Variants in UBA2 observed in about 807,000 individuals in gnomAD.
The protein encoded by UBA2 is SUMO-activating enzyme subunit 2.
Under a neutral mutation model 77.2 loss-of-function variants are expected in UBA2, and 11 were observed. The observed-to-expected ratio is 0.14, with a 90% CI of 0.09 to 0.24. The LOEUF (loss-of-function observed/expected upper bound fraction) is 0.24, where lower values mean the gene tolerates loss of function less well. Among genes scored for constraint, UBA2 ranks in the 10% least tolerant of loss-of-function variants. The probability of loss-of-function intolerance (pLI) is 1.00; values close to 1 mark genes in which losing one functional copy is unlikely to be tolerated. For missense variants in UBA2, 487 were observed against 781.7 expected (o/e 0.62, Z 4.50); for synonymous variants, 278 against 276.7 (o/e 1.00, Z -0.05).
chr19:34,434,825 T>G, intron 4 of UBA2, 43 bp from the exon 5 acceptor site: 1 of 1,262,006 alleles, frequency 7.9e-7, no homozygotes, highest in Non-Finnish European at 1.1e-6. Flanking sequence ...AGATAACTAA[T>G]TTTTTTTTTC....
Position 34,438,632 on chromosome 19 carries a change from C to T in UBA2, c.460-13C>T, listed in dbSNP as rs1270231838. Reference sequence around the variant, plus strand: ...ATCATGGAGTAAATTTTTCTCATATCCTGACTTCATAGGGTGTGACCGAGT... The same window carrying T: ...ATCATGGAGTAAATTTTTCTCATATTCTGACTTCATAGGGTGTGACCGAGT... On this transcript the variant is annotated splice_polypyrimidine_tract_variant and intron_variant, in intron 5 of 16. Coordinates refer to ENST00000246548, the MANE Select transcript of UBA2 (RefSeq NM_005499.3). 8 of 1,612,260 alleles carry T rather than the reference C, an allele frequency of 5.0e-6. No homozygotes were observed. The highest frequency in any genetic ancestry group is 6.8e-6 in the Non-Finnish European group (8 of 1,179,478).
chr19:34,466,849 T>C, intron 15 of UBA2, 29 bp from the exon 16 acceptor site: 3 of 1,608,896 alleles, frequency 1.9e-6, no homozygotes, highest in Non-Finnish European at 1.7e-6. Context: ...TAAATAGTCA[T>C]AGCAGTGACC....
rs747695106 is a variant in UBA2 at position 34,471,167 on chromosome 19, G to A, written c.*1946G>A. ...TCAGAGAACAGAAAGCCATTAAGCTGTTTCCCCTATTGTATTCATGTGCCC... is the reference window on the plus strand; with the variant it reads ...TCAGAGAACAGAAAGCCATTAAGCTATTTCCCCTATTGTATTCATGTGCCC... On this transcript the variant is annotated 3_prime_UTR_variant, in exon 17 of 17. Coordinates refer to ENST00000246548, the MANE Select transcript of UBA2 (RefSeq NM_005499.3). 1 of 152,044 alleles carries A rather than the reference G, an allele frequency of 6.6e-6. No homozygotes were observed. Among genetic ancestry groups the A allele is most frequent in the Admixed American group, 6.6e-5 (1 of 15,264 alleles). 9.4% of individuals were successfully genotyped at this position (152,044 alleles called of 1,614,324 possible). A position where few individuals can be genotyped will look rare whatever the true frequency, so the allele number is the denominator to read the frequency against.
chr19:34,451,536 G>GC (rs2075496267), intron 9 of UBA2, among the ~76,000 whole-genome samples: 1 of 62,944 alleles, frequency 1.6e-5, no homozygotes, highest in Non-Finnish European at 2.9e-5. Context: ...AGGTTTAACA[G>GC]TTTTTTTTTT....
chr19:34,447,134 G>A lies in UBA2; in HGVS notation c.771+2013G>A, dbSNP rs181247982. 2.6e-5 allele frequency among the ~76,000 whole-genome samples: 4 copies of A among 152,236 alleles called. No individual in the cohort carries two copies. The East Asian group carries it at 7.7e-4, about 29-fold the overall frequency. ...GAGTCTCAAAACTGGAGAATTTGGA[G>A]TCTGATGTTTGAGGGCAGGAAGCAT... is the stretch of plus-strand genomic sequence containing the variant. On this transcript the variant is annotated intron_variant, in intron 8 of 16. Coordinates refer to ENST00000246548, the MANE Select transcript of UBA2 (RefSeq NM_005499.3).
chr19:34,461,057 C>G (rs1477446665), intron 14 of UBA2, among the ~76,000 whole-genome samples: 2 of 152,186 alleles, frequency 1.3e-5, no homozygotes, highest in Non-Finnish European at 2.9e-5. Context: ...AGGTACAATA[C>G]ATTTGATTCT....
chr19:34,428,438 A>T lies in UBA2; in HGVS notation c.6A>T (p.Ala2=), dbSNP rs2075210277. The T allele has an allele frequency of 1.6e-6, 2 of 1,270,234 alleles. No homozygotes were observed. Among genetic ancestry groups the T allele is most frequent in the Admixed American group, 3.7e-5 (1 of 27,282 alleles). The allele number at this position is 1,270,234 out of a possible 1,614,324, so 78.7% of individuals were successfully genotyped here. The stretch of plus-strand genomic sequence containing the variant: ...CGGCTCGTGGTTGTCCCGCCATGGC[A>T]CTGTCGCGGGGGCTGCCCCGGGAGC... The part of the protein sequence containing the change: M[A]LSRGLPRELA... The change falls in exon 1 of 17, where the codon GCA becomes GCT. Residue 2 remains alanine (A), a synonymous_variant. Coordinates refer to ENST00000246548, the MANE Select transcript of UBA2 (RefSeq NM_005499.3).
At chr19:34,461,439 T>C (rs1034181326) in intron 14 of UBA2, among the ~76,000 whole-genome samples, 2 of 152,230 alleles carry the variant, frequency 1.3e-5, no homozygotes, top group Non-Finnish European at 2.9e-5. Flanking sequence ...GGCCATGTTT[T>C]GGCTGTGTGG....
intron 1 of UBA2, chr19:34,428,775 G>GT: frequency 8.7e-7 from 1 of 1,143,566 alleles, no homozygotes; most frequent in East Asian, 3.4e-5. Flanking sequence ...TCCGCTCGCT[G>GT]GGCCGGCTCC....
At chr19:34,432,653 G>A (rs2075268391) in intron 3 of UBA2, among the ~76,000 whole-genome samples, 1 of 152,122 alleles carries the variant, frequency 6.6e-6, no homozygotes, top group East Asian at 1.9e-4. Flanking sequence ...CGCCTCCTGG[G>A]TTCAAGCGAT....
Position 34,464,054 on chromosome 19 carries a change from T to G in UBA2, c.1527T>G (p.Phe509Leu), listed in dbSNP as rs963985119. ...ATAATCACAAGAAGTTGTCAGAATT[T>G]GGAATTAGAAATGGCAGCCGGCTTC... ...EANNHKKLSE[F>L]GIRNGSRLQA... Residue 509 changes from phenylalanine (F) to leucine (L), a missense_variant, in exon 15 of 17, where the codon TTT becomes TTG. Transcript: ENST00000246548. 1.2e-6 allele frequency: 2 copies of G among 1,613,828 alleles called. No homozygotes were observed. Among genetic ancestry groups the G allele is most frequent in the Non-Finnish European group, 1.7e-6 (2 of 1,179,790 alleles).
At chr19:34,463,944 CAG>C in intron 14 of UBA2, 80 bp from the exon 15 acceptor site, 3 of 954,236 alleles carry the variant, frequency 3.1e-6, no homozygotes, top group Non-Finnish European at 3.4e-6. Context: ...CAGCCCATAA[CAG>C]AGGTTTAGCT....
At chr19:34,438,899 T>G in intron 6 of UBA2, 133 bp downstream of exon 6, 12 of 1,252,054 alleles carry the variant, frequency 9.6e-6, no homozygotes, top group Non-Finnish European at 1.3e-5. Context: ...GTAGCTTTCT[T>G]GCAGTATTTC....
intron 10 of UBA2, among the ~76,000 whole-genome samples, chr19:34,452,572 T>A (rs2075513404): frequency 6.6e-6 from 1 of 152,212 alleles, no homozygotes; most frequent in Non-Finnish European, 1.5e-5. Flanking sequence ...AAGACAGAGC[T>A]CTTGATACAA....
chr19:34,443,757 C>A (rs2075395771), intron 6 of UBA2, 87 bp from the exon 7 acceptor site: 2 of 959,628 alleles, frequency 2.1e-6, no homozygotes, highest in African/African-American at 1.6e-5. Context: ...CAGTCTTTAT[C>A]TCTGCTAAAT....
intron 5 of UBA2, among the ~76,000 whole-genome samples, chr19:34,435,995 C>CTGTAA: frequency 6.6e-6 from 1 of 151,888 alleles, no homozygotes; most frequent in Admixed American, 6.6e-5. Flanking sequence ...TGGTGTGCAC[C>CTGTAA]TGTAATCCCA....
At chr19:34,462,871 G>T (rs2075646823) in intron 14 of UBA2, among the ~76,000 whole-genome samples, 1 of 152,154 alleles carries the variant, frequency 6.6e-6, no homozygotes, top group African/African-American at 2.4e-5. Context: ...GAGGTGGGTG[G>T]ATCACCTGAG....
At position 34,428,992 on chromosome 19, in the gene UBA2, T is replaced by A. The variant is rs917098413; in HGVS notation, c.138+422T>A. 1.1e-5 allele frequency: 11 copies of A among 985,578 alleles called. No individual in the cohort carries two copies. In the African/African-American group the frequency reaches 1.7e-4, roughly 16 times the overall value. 61.1% of individuals were successfully genotyped at this position (985,578 alleles called of 1,614,324 possible). A position where few individuals can be genotyped will look rare whatever the true frequency, so the allele number is the denominator to read the frequency against. ...CGAAGTAACGACGCGGGGCGGAGGATGGCAATGATAGCGACCAACGCGTCC... is the reference window on the plus strand; with the variant it reads ...CGAAGTAACGACGCGGGGCGGAGGAAGGCAATGATAGCGACCAACGCGTCC... On this transcript the variant is annotated intron_variant, in intron 1 of 16. Coordinates refer to ENST00000246548, the MANE Select transcript of UBA2 (RefSeq NM_005499.3).
In UBA2 at chr19:34,454,458, A is replaced by G. The variant is rs2075536572; in HGVS notation, c.1147A>G (p.Ile383Val). Residue 383 changes from isoleucine (I) to valine (V), a missense_variant, in exon 12 of 17, where the codon ATT becomes GTT. Ile to Val is a conservative substitution (Grantham distance 29). Around this residue, in one of 9 missense-constraint regions of UBA2, gnomAD observed 300 missense variants for 454.3 expected, o/e 0.66. Transcript: ENST00000246548. ...RFDIKSMAGN[I>V]IPAIATTNAV... is the part of the protein sequence containing the mutation. ...TTTTTTCCCAGCAATGGCAGGGAAC[A>G]TTATTCCTGCTATTGCTACTACTAA... 8 of 1,600,858 alleles carry G rather than the reference A, an allele frequency of 5.0e-6. No individual in the cohort carries two copies. Among genetic ancestry groups the G allele is most frequent in the African/African-American group, 2.7e-5 (2 of 74,016 alleles).
Sources: allele counts gnomAD v4.1 joint callset (sites outside exome capture counted in the v4.1 genomes callset), GRCh38; gene constraint gnomAD v4.1.1; regional missense constraint gnomAD v4.1.1; transcripts MANE v1.5; gene names NCBI Gene and HGNC (gene_info 2026-07-23, HGNC 2026-07-21).